RAD52: variants seen among roughly 807,000 people sequenced by gnomAD.
RAD52 encodes the protein DNA repair protein RAD52 homolog.
A neutral mutation model predicts 55.5 loss-of-function variants in RAD52; 47 were observed. The observed-to-expected ratio is 0.85, with a 90% confidence interval of 0.67 to 1.08. The LOEUF is 1.08. Ranked by LOEUF, RAD52 falls within the 50% of genes least tolerant of loss-of-function variation. RAD52 has a pLI of 0.00. For synonymous variants in RAD52, 184 were observed against 198.9 expected, an observed-to-expected ratio of 0.92 and a Z score of 0.63; for missense variants, 468 against 522.8, an observed-to-expected ratio of 0.90 and a Z score of 1.02.
intron 1 of RAD52, among the ~76,000 whole-genome samples, chr12:987,205 G>A (rs983226140): frequency 3.3e-5 from 5 of 151,864 alleles, no homozygotes; most frequent in Non-Finnish European, 5.9e-5. Context: ...TCCTGACATC[G>A]TGATCCACCC....
chr12:990,989 A>C, upstream of RAD52: 1 of 148,866 alleles, frequency 6.7e-6, no homozygotes, highest in African/African-American at 2.5e-5. Context: ...CGCGCCCATC[A>C]CTCTGTTTCG....
At chr12:979,936 A>C (rs1409999134) in intron 1 of RAD52, among the ~76,000 whole-genome samples, 1 of 152,002 alleles carries the variant, frequency 6.6e-6, no homozygotes, top group Non-Finnish European at 1.5e-5. Context: ...AGTCCCAGCT[A>C]CTCGGGAGGC....
At chr12:987,292 T>C (rs182578541) in intron 1 of RAD52, among the ~76,000 whole-genome samples, 56 of 152,246 alleles carry the variant, frequency 3.7e-4, no homozygotes, top group Admixed American at 3.1e-3. Flanking sequence ...TTTGTCCTTT[T>C]ATGGGCTCCT....
chr12:968,728 T>C (rs7138367), intron 1 of RAD52, among the ~76,000 whole-genome samples: 118,455 of 151,972 alleles, frequency 0.78, 46,482 homozygotes, highest in Middle Eastern at 0.86. Flanking sequence ...AGCATATGCA[T>C]AGGGCTGTGT....
At chr12:926,379 C>T (rs948300936) in intron 6 of RAD52, among the ~76,000 whole-genome samples, 9 of 151,910 alleles carry the variant, frequency 5.9e-5, no homozygotes, top group African/African-American at 2.2e-4. Flanking sequence ...TGTTATGTGC[C>T]TGTGATCCCA....
intron 7 of RAD52, among the ~76,000 whole-genome samples, chr12:922,206 A>AC (rs1358837640): frequency 5.5e-5 from 8 of 145,454 alleles, no homozygotes; most frequent in Non-Finnish European, 1.1e-4. Flanking sequence ...AAAAAAAAAA[A>AC]AAAAAAACCA....
chr12:976,154 C>T (rs1374910024), intron 1 of RAD52: 1 of 152,232 alleles, frequency 6.6e-6, no homozygotes, highest in Middle Eastern at 3.1e-3. Context: ...CCCGTCTCCA[C>T]TAAAAATACA....
At chr12:977,737 A>C (rs1958952872) in intron 1 of RAD52, among the ~76,000 whole-genome samples, 1 of 152,128 alleles carries the variant, frequency 6.6e-6, no homozygotes, top group Non-Finnish European at 1.5e-5. Flanking sequence ...CTGCTTTGGG[A>C]ATGTTGGGGA....
At chr12:916,540 G>C in intron 8 of RAD52, 57 bp from the exon 9 acceptor site, 2 of 1,605,296 alleles carry the variant, frequency 1.2e-6, no homozygotes, top group South Asian at 1.1e-5. Flanking sequence ...CGGCTGCTGG[G>C]AGGACACGCA....
intron 1 of RAD52, among the ~76,000 whole-genome samples, chr12:958,711 G>C (rs1293062457): frequency 6.6e-6 from 1 of 152,210 alleles, no homozygotes; most frequent in Non-Finnish European, 1.5e-5. Flanking sequence ...CCTATGGTGT[G>C]CTTCACGTGG....
Position 913,096 on chromosome 12 carries a change from C to T in RAD52, c.*295G>A. On this transcript the variant is annotated 3_prime_UTR_variant, in exon 12 of 12. Coordinates refer to ENST00000358495, the MANE Select transcript of RAD52 (RefSeq NM_134424.4). ...GAGCCATTGGTGATTCCTAAAATGT[C>T]CATCTTCATTAACATAATAGTTCAG... 1 of 283,258 alleles carries T rather than the reference C, an allele frequency of 3.5e-6. No homozygotes were observed. 17.5% of individuals were successfully genotyped at this position (283,258 alleles called of 1,614,324 possible). A position where few individuals can be genotyped will look rare whatever the true frequency, so the allele number is the denominator to read the frequency against.
intron 1 of RAD52, among the ~76,000 whole-genome samples, chr12:967,109 T>C (rs1425124030): frequency 6.6e-6 from 1 of 152,062 alleles, no homozygotes; most frequent in African/African-American, 2.4e-5. Flanking sequence ...CTGGACACAG[T>C]GGCTCATGCC....
chr12:914,662 G>A (rs1956263060), intron 9 of RAD52, 130 bp from the exon 10 acceptor site: 1 of 1,050,074 alleles, frequency 9.5e-7, no homozygotes, highest in Non-Finnish European at 1.4e-6. Flanking sequence ...GGGCTGCGCT[G>A]CTTCTGCCAG....
At chr12:918,413 T>C (rs1956526881) in intron 7 of RAD52, among the ~76,000 whole-genome samples, 1 of 152,156 alleles carries the variant, frequency 6.6e-6, no homozygotes, top group African/African-American at 2.4e-5. Flanking sequence ...GTTTTGTTTT[T>C]TGAGAGAGGG....
At chr12:921,640 T>C (rs1956732556) in intron 7 of RAD52, among the ~76,000 whole-genome samples, 1 of 152,040 alleles carries the variant, frequency 6.6e-6, no homozygotes, top group Non-Finnish European at 1.5e-5. Context: ...AGCCAAGCCA[T>C]GATCAGACCA....
chr12:929,899 AAG>A lies in RAD52; in HGVS notation c.281-15_281-14del, dbSNP rs1168616182. 4.3e-6 allele frequency: 7 copies of A among 1,611,210 alleles called. No individual in the cohort carries two copies. In the African/African-American group the frequency reaches 6.7e-5, roughly 15 times the overall value. Reference sequence around the variant, plus strand: ...AGGTCAACAAAATCTAGGAGTGGGAAAGAGAGCAAGTTGAAGAGGACACTGAC... The same window carrying A: ...AGGTCAACAAAATCTAGGAGTGGGAAAGAGCAAGTTGAAGAGGACACTGAC... On this transcript the variant is annotated splice_polypyrimidine_tract_variant and intron_variant, in intron 4 of 11. Coordinates refer to ENST00000358495, the MANE Select transcript of RAD52 (RefSeq NM_134424.4).
intron 1 of RAD52, 44 bp from the exon 2 acceptor site, chr12:933,120 T>C: frequency 7.2e-7 from 1 of 1,398,492 alleles, no homozygotes; most frequent in Non-Finnish European, 9.9e-7. Flanking sequence ...CCTCAAAGAA[T>C]GTTTAAAGTA....
intron 1 of RAD52, among the ~76,000 whole-genome samples, chr12:973,420 G>A (rs377565985): frequency 1.6e-4 from 25 of 152,100 alleles, no homozygotes; most frequent in African/African-American, 5.3e-4. Flanking sequence ...GGTCAGTGTA[G>A]TAATGATACA....
At chr12:933,205 T>A in intron 1 of RAD52, 129 bp from the exon 2 acceptor site, 1 of 616,246 alleles carries the variant, frequency 1.6e-6, no homozygotes, top group Non-Finnish European at 2.8e-6. Flanking sequence ...ATGCCTGTAA[T>A]CCCAGCACTT....
Sources: gnomAD v4.1 joint callset for allele counts (sites outside exome capture counted in the v4.1 genomes callset) on GRCh38, gnomAD v4.1.1 for gene constraint, MANE v1.5 for transcripts, NCBI Gene and HGNC (gene_info 2026-07-23, HGNC 2026-07-21) for gene names.